CCNB1IP1: variants seen among roughly 807,000 people sequenced by gnomAD.
CCNB1IP1 encodes the protein cyclin B1 interacting protein 1.
In CCNB1IP1, 14 loss-of-function variants were observed where a neutral mutation model predicts 25.6. That is an observed-to-expected ratio of 0.55 (90% CI 0.36 to 0.85). The LOEUF (loss-of-function observed/expected upper bound fraction) is 0.85. Among genes scored for constraint, CCNB1IP1 ranks in the 40% least tolerant of loss-of-function variants. The pLI is 0.01. For synonymous variants in CCNB1IP1, 119 were observed against 116.1 expected (o/e 1.02, Z -0.16); for missense variants, 278 against 342.4 (o/e 0.81, Z 1.48).
At chr14:20,326,020 T>C (rs1883064590) in intron 3 of CCNB1IP1, among the ~76,000 whole-genome samples, 1 of 152,210 alleles carries the variant, frequency 6.6e-6, no homozygotes, top group African/African-American at 2.4e-5. Context: ...TCATGTGTCA[T>C]GAATACCGTT....
chr14:20,327,745 A>C (rs1883119597), intron 2 of CCNB1IP1, among the ~76,000 whole-genome samples: 1 of 152,098 alleles, frequency 6.6e-6, no homozygotes. Flanking sequence ...CCTCAGATAC[A>C]ATCTAGCCAG....
At chr14:20,320,191 A>T in intron 4 of CCNB1IP1, 1 of 385,180 alleles carries the variant, frequency 2.6e-6, no homozygotes, top group Non-Finnish European at 5.2e-6. Context: ...TGTCTACTCC[A>T]ATATCATACT....
At chr14:20,324,250 G>A (rs111814343) in intron 4 of CCNB1IP1, among the ~76,000 whole-genome samples, 6 of 152,100 alleles carry the variant, frequency 3.9e-5, no homozygotes, top group African/African-American at 9.7e-5. Context: ...GCAGTGGTGC[G>A]ATCTCAGCTC....
chr14:20,327,038 T>C (rs1008164976), intron 2 of CCNB1IP1, among the ~76,000 whole-genome samples: 1 of 152,078 alleles, frequency 6.6e-6, no homozygotes, highest in Admixed American at 6.6e-5. Flanking sequence ...ATCGTGCCAC[T>C]GTACTCCAGC....
chr14:20,332,026 A>ATATATAT (rs59034398), intron 1 of CCNB1IP1, among the ~76,000 whole-genome samples: 20 of 40,746 alleles, frequency 4.9e-4, no homozygotes, highest in African/African-American at 1.7e-3. Context: ...ATATATATAT[A>ATATATAT]TTTTTTTTTT....
At position 20,311,596 on chromosome 14, in the gene CCNB1IP1, T is replaced by C. The variant is rs969766054; in HGVS notation, c.788A>G (p.Glu263Gly). ...GGCCCTGCTAGAAACTTGCTGCTGC[T>C]CTAATTCACGACTTGGAGAGACAAA... ...FSFVSPSRELEQQQVSSRAFK... is the reference protein window; with the variant it reads ...FSFVSPSRELGQQQVSSRAFK... The change falls in exon 7 of 7, where the codon GAG becomes GGG. Residue 263 changes from glutamate (E) to glycine (G), a missense_variant. By Grantham distance (98) the Glu-to-Gly change is moderately conservative. Transcript: ENST00000358932. The C allele has an allele frequency of 1.9e-6, 3 of 1,613,892 alleles. No homozygotes were observed. The highest frequency in any genetic ancestry group is 4.5e-5 in the East Asian group (2 of 44,890).
intron 4 of CCNB1IP1, among the ~76,000 whole-genome samples, chr14:20,321,218 C>CT (rs1882885618): frequency 6.6e-6 from 1 of 152,076 alleles, no homozygotes; most frequent in South Asian, 2.1e-4. Context: ...GGAGAAAAGG[C>CT]TTTGAGTTTC....
In CCNB1IP1 at chr14:20,316,390, G is replaced by T; in HGVS notation, c.134C>A (p.Pro45Gln). Residue 45 changes from proline to glutamine, a missense_variant, in exon 5 of 7, where the codon CCA (proline) becomes CAA (glutamine). Physicochemically the swap from Pro to Gln is moderately conservative, Grantham distance 76 (BLOSUM62 -1). Transcript: ENST00000358932. ...QHGSGEFSRS[P>Q]AICPACNSTL... ...ACTGTTGCAGGCAGGACAGATAGCT[G>T]GTGAGCGACTAAACTCACCACTGCC... The T allele has an allele frequency of 6.2e-7, 1 of 1,613,994 alleles. No individual in the cohort carries two copies. Among genetic ancestry groups the T allele is most frequent in the Non-Finnish European group, 8.5e-7 (1 of 1,179,904 alleles).
rs780728859 is a variant in CCNB1IP1 at position 20,313,585 on chromosome 14, G to C, written c.514C>G (p.Gln172Glu). The change falls in exon 6 of 7, where the codon CAA (glutamine) becomes GAA (glutamate). Residue 172 changes from glutamine (Q) to glutamate (E), a missense_variant. By Grantham distance (29) the Gln-to-Glu change is conservative. Coordinates refer to ENST00000358932, the MANE Select transcript of CCNB1IP1 (RefSeq NM_021178.5). ...EKLMERNRQYQKLQGLYDSLR... is the reference protein window; with the variant it reads ...EKLMERNRQYEKLQGLYDSLR... The stretch of plus-strand genomic sequence containing the variant: ...CTATCATAGAGGCCTTGGAGCTTTT[G>C]ATACTGACGATTGCGCTCCATAAGT... 1 of 1,614,182 alleles carries C rather than the reference G, an allele frequency of 6.2e-7. No homozygotes were observed. Among genetic ancestry groups the C allele is most frequent in the Non-Finnish European group, 8.5e-7 (1 of 1,180,030 alleles).
chr14:20,315,463 G>A, intron 5 of CCNB1IP1: 1 of 1,096,936 alleles, frequency 9.1e-7, no homozygotes, highest in East Asian at 8.1e-5. Flanking sequence ...AAATAGAGGA[G>A]CATGTAAGAG....
intron 4 of CCNB1IP1, among the ~76,000 whole-genome samples, chr14:20,321,075 T>G (rs1054867481): frequency 2.0e-5 from 3 of 150,816 alleles, no homozygotes; most frequent in African/African-American, 7.3e-5. Context: ...AAGGCGGGTT[T>G]GCAGTGAGCC....
intron 5 of CCNB1IP1, chr14:20,315,698 G>C (rs1882667849): frequency 1.6e-6 from 2 of 1,217,928 alleles, no homozygotes; most frequent in African/African-American, 1.6e-5. Context: ...TTAATAACTT[G>C]GAAATAAATT....
chr14:20,331,716 T>A lies in CCNB1IP1; in HGVS notation c.-431+1538A>T, dbSNP rs574742478. ...AAACCTACTGAAAAAATATATTTTT[T>A]AAAAAAAATAATTTTTAAAGAATAC... is the stretch of plus-strand genomic sequence containing the variant. On this transcript the variant is annotated intron_variant, in intron 1 of 6. Coordinates refer to ENST00000358932, the MANE Select transcript of CCNB1IP1 (RefSeq NM_021178.5). Among the ~76,000 whole-genome samples, 833 of 151,740 alleles carry A rather than the reference T, an allele frequency of 5.5e-3. 3 individuals are homozygous for A. The highest frequency in any genetic ancestry group is 8.3e-3 in the Non-Finnish European group (567 of 67,916).
intron 4 of CCNB1IP1, chr14:20,323,360 G>A (rs976417640): frequency 7.2e-5 from 11 of 152,004 alleles, no homozygotes; most frequent in African/African-American, 1.9e-4. Flanking sequence ...TTTAAGAAAC[G>A]TTTATAAAAA....
chr14:20,313,456 G>C lies in CCNB1IP1; in HGVS notation c.631+12C>G. Reference sequence around the variant, plus strand: ...TTTAAAGAACAGACACTTGATACATGTCCTTTCTTACCTAATGGGAAGCCA... The same window carrying C: ...TTTAAAGAACAGACACTTGATACATCTCCTTTCTTACCTAATGGGAAGCCA... On this transcript the variant is annotated intron_variant, in intron 6 of 6. Transcript: ENST00000358932. 6.4e-7 allele frequency: 1 copy of C among 1,557,124 alleles called. No individual in the cohort carries two copies. Among genetic ancestry groups the C allele is most frequent in the Non-Finnish European group, 8.7e-7 (1 of 1,150,700 alleles).
intron 5 of CCNB1IP1, chr14:20,315,816 G>A (rs1223155262): frequency 4.1e-6 from 5 of 1,224,244 alleles, no homozygotes; most frequent in South Asian, 2.6e-5. Flanking sequence ...GGCTGAGGCG[G>A]GAGAATGGCT....
At chr14:20,320,011 C>T (rs375933560) in intron 4 of CCNB1IP1, among the ~76,000 whole-genome samples, 6 of 152,206 alleles carry the variant, frequency 3.9e-5, no homozygotes, top group African/African-American at 1.4e-4. Context: ...TAAGAGTGAG[C>T]ATTTTTTCAT....
intron 4 of CCNB1IP1, 45 bp downstream of exon 4, chr14:20,325,494 A>G (rs1157982945): frequency 2.0e-5 from 3 of 152,018 alleles, no homozygotes; most frequent in African/African-American, 4.8e-5. Context: ...ATTTTCAAAG[A>G]CTCATATATA....
intron 5 of CCNB1IP1, among the ~76,000 whole-genome samples, chr14:20,315,136 C>CAA (rs1159450735): frequency 0.011 from 96 of 9,048 alleles, 9 homozygotes; most frequent in South Asian, 0.012. Context: ...TACACCTCAC[C>CAA]AAAAAAAAAA....
Sources: gnomAD v4.1 joint callset for allele counts (sites outside exome capture counted in the v4.1 genomes callset) on GRCh38, gnomAD v4.1.1 for gene constraint, MANE v1.5 for transcripts, NCBI Gene and HGNC (gene_info 2026-07-23, HGNC 2026-07-21) for gene names.